FHIT: variants seen among roughly 807,000 people sequenced by gnomAD.
FHIT encodes bis(5'-adenosyl)-triphosphatase.
FHIT carries 19 observed loss-of-function variants against 17.9 expected under a neutral mutation model. That is an observed-to-expected ratio of 1.06 (90% CI 0.74 to 1.56). FHIT has a LOEUF of 1.56. FHIT is among the 40% of genes most tolerant of loss of function. The pLI is 0.00. For synonymous variants in FHIT, 81 were observed against 69.7 expected (o/e 1.16, Z -0.81); for missense variants, 248 against 189.2 (o/e 1.31, Z -1.82).
rs138167584 is a variant in FHIT at position 59,762,916 on chromosome 3, T to G, written c.349-10595A>C. The stretch of plus-strand genomic sequence containing the variant: ...CCTCAGGCCTCTGTTTCTAAAAACA[T>G]GCTCACTGAGAAATGAAATGAAACT... On this transcript the variant is annotated intron_variant, in intron 8 of 9. Transcript: ENST00000492590. 3.9e-5 allele frequency among the ~76,000 whole-genome samples: 6 copies of G among 152,324 alleles called. No homozygotes were observed. In the East Asian group the frequency reaches 1.2e-3, roughly 29 times the overall value.
chr3:61,153,465 GAA>G (rs2037452285), intron 2 of FHIT, among the ~76,000 whole-genome samples: 1 of 152,148 alleles, frequency 6.6e-6, no homozygotes, highest in Non-Finnish European at 1.5e-5. Flanking sequence ...CCCCCAGTTG[GAA>G]AAAGTCAAAA....
chr3:60,510,890 T>C (rs1435673128), intron 5 of FHIT, among the ~76,000 whole-genome samples: 2 of 152,218 alleles, frequency 1.3e-5, no homozygotes, highest in South Asian at 4.1e-4. Context: ...GTAAATTCAA[T>C]AGTACATAAT....
chr3:60,688,848 C>T (rs1171383853), intron 4 of FHIT, among the ~76,000 whole-genome samples: 1 of 152,026 alleles, frequency 6.6e-6, no homozygotes, highest in Admixed American at 6.6e-5. Flanking sequence ...GTAGTTTATG[C>T]TTTACTCTTT....
chr3:61,247,004 C>T (rs531579292), intron 1 of FHIT, among the ~76,000 whole-genome samples: 7 of 151,490 alleles, frequency 4.6e-5, no homozygotes, highest in Admixed American at 3.3e-4. Flanking sequence ...CCCAACATCC[C>T]CTCCCTCCCT....
At chr3:59,814,839 GTCC>G (rs1333320611) in intron 8 of FHIT, among the ~76,000 whole-genome samples, 5 of 151,992 alleles carry the variant, frequency 3.3e-5, no homozygotes, top group African/African-American at 1.2e-4. Flanking sequence ...GACTCTGCTT[GTCC>G]TCCTGTTCTC....
chr3:61,002,625 A>C (rs1051348396), intron 3 of FHIT, among the ~76,000 whole-genome samples: 1 of 152,008 alleles, frequency 6.6e-6, no homozygotes, highest in African/African-American at 2.4e-5. Flanking sequence ...CCTATCCCCC[A>C]GCCTCTAGTG....
chr3:60,347,689 G>GGGTTTTTTT (rs1553750581), intron 5 of FHIT, among the ~76,000 whole-genome samples: 1 of 85,304 alleles, frequency 1.2e-5, no homozygotes, highest in Non-Finnish European at 2.4e-5. Flanking sequence ...GGGGGGGGGG[G>GGGTTTTTTT]TTTGTTTTTT....
chr3:59,848,135 C>T (rs1479736428), intron 8 of FHIT, among the ~76,000 whole-genome samples: 3 of 152,136 alleles, frequency 2.0e-5, no homozygotes, highest in African/African-American at 4.8e-5. Context: ...CTCCCACAAG[C>T]CATGTGCAAA....
chr3:60,563,485 A>T (rs1474526040), intron 4 of FHIT, among the ~76,000 whole-genome samples: 5 of 152,242 alleles, frequency 3.3e-5, no homozygotes, highest in African/African-American at 4.8e-5. Context: ...AAAGCTTAGT[A>T]AAGAAGGCAT....
At chr3:60,154,241 C>A (rs1700586677) in intron 5 of FHIT, among the ~76,000 whole-genome samples, 1 of 152,172 alleles carries the variant, frequency 6.6e-6, no homozygotes, top group Non-Finnish European at 1.5e-5. Context: ...AAAATTACAA[C>A]CTCCGGCATA....
At chr3:61,245,514 C>T (rs1386259580) in intron 1 of FHIT, among the ~76,000 whole-genome samples, 1 of 152,186 alleles carries the variant, frequency 6.6e-6, no homozygotes, top group Admixed American at 6.5e-5. Flanking sequence ...GTTAGAAATA[C>T]TGACTCTCTG....
chr3:60,194,410 A>C (rs1316363424), intron 5 of FHIT, among the ~76,000 whole-genome samples: 3 of 152,166 alleles, frequency 2.0e-5, no homozygotes, highest in Admixed American at 2.0e-4. Flanking sequence ...CGGGATCCTT[A>C]TCTCTCATCA....
intron 3 of FHIT, among the ~76,000 whole-genome samples, chr3:60,850,142 C>T (rs1364112015): frequency 6.6e-6 from 1 of 152,046 alleles, no homozygotes; most frequent in Non-Finnish European, 1.5e-5. Context: ...TAGGAAGTCC[C>T]ATTTAAGACC....
chr3:61,232,579 G>C (rs535853177), intron 1 of FHIT, among the ~76,000 whole-genome samples: 5 of 152,134 alleles, frequency 3.3e-5, no homozygotes, highest in Non-Finnish European at 7.4e-5. Context: ...GAGGACCAGG[G>C]AGGTCTTCAA....
intron 5 of FHIT, among the ~76,000 whole-genome samples, chr3:60,397,533 T>C (rs1701495767): frequency 6.6e-6 from 1 of 152,178 alleles, no homozygotes; most frequent in African/African-American, 2.4e-5. Context: ...GGACTTGCCA[T>C]GAGACAGCAG....
intron 5 of FHIT, among the ~76,000 whole-genome samples, chr3:60,234,715 G>A (rs1236135439): frequency 1.3e-5 from 2 of 152,164 alleles, no homozygotes; most frequent in Non-Finnish European, 2.9e-5. Context: ...ATAGGGCTGT[G>A]AAGAAGAGAT....
intron 4 of FHIT, among the ~76,000 whole-genome samples, chr3:60,707,212 A>G (rs2041395794): frequency 6.6e-6 from 1 of 152,206 alleles, no homozygotes; most frequent in South Asian, 2.1e-4. Flanking sequence ...CCTTTTGCAT[A>G]CATGCTGTTA....
Position 60,299,974 on chromosome 3 carries a change from G to A in FHIT, c.103+236886C>T, listed in dbSNP as rs544321430. Among the ~76,000 whole-genome samples, 33 of 152,084 alleles carry A rather than the reference G, an allele frequency of 2.2e-4. 1 individual carries two copies. The highest frequency in any genetic ancestry group is 1.5e-3 in the Admixed American group (23 of 15,268). Reference sequence around the variant, plus strand: ...CTTCACCTACAGTGAGCAGGCTTTCGCTGTAACCTTTCCTTTTGTCTGTGC... The same window carrying A: ...CTTCACCTACAGTGAGCAGGCTTTCACTGTAACCTTTCCTTTTGTCTGTGC... On this transcript the variant is annotated intron_variant, in intron 5 of 9. Coordinates refer to ENST00000492590, the MANE Select transcript of FHIT (RefSeq NM_002012.4).
intron 5 of FHIT, among the ~76,000 whole-genome samples, chr3:60,521,233 A>AT (rs1365306509): frequency 7.0e-6 from 1 of 142,758 alleles, no homozygotes; most frequent in Non-Finnish European, 1.5e-5. Context: ...ATAATGGACA[A>AT]TAAAAAAAAA....
Sources: allele counts gnomAD v4.1 joint callset (sites outside exome capture counted in the v4.1 genomes callset), GRCh38; gene constraint gnomAD v4.1.1; transcripts MANE v1.5; gene names NCBI Gene and HGNC (gene_info 2026-07-23, HGNC 2026-07-21).